Variants in TRAPPC10 observed in about 807,000 individuals in gnomAD.
The protein encoded by TRAPPC10 is trafficking protein particle complex subunit 10, also known as TRAPP 130 kDa subunit.
Under a neutral mutation model 125.5 loss-of-function variants are expected in TRAPPC10, and 23 were observed. That is an observed-to-expected ratio of 0.18 (90% confidence interval 0.13 to 0.26). TRAPPC10 has a LOEUF of 0.26. Ranked by LOEUF, TRAPPC10 falls within the 10% of genes least tolerant of loss-of-function variation. The probability of loss-of-function intolerance (pLI) is 1.00; values close to 1 mark genes in which losing one functional copy is unlikely to be tolerated. For missense variants in TRAPPC10, 1,123 were observed against 1,308.4 expected (o/e 0.86, Z 2.19); for synonymous variants, 509 against 518.0 (o/e 0.98, Z 0.24).
At position 44,055,805 on chromosome 21, in the gene TRAPPC10, A is replaced by T. The variant is rs761703568; in HGVS notation, c.590A>T (p.Asn197Ile). The change falls in exon 5 of 23, where the codon AAC becomes ATC. Residue 197 changes from asparagine (N) to isoleucine (I), a missense_variant. Physicochemically the swap from Asn to Ile is moderately radical, Grantham distance 149. This residue lies in a region of TRAPPC10 where 15 missense variants were observed against 50.3 expected (regional missense o/e 0.30). Coordinates refer to ENST00000291574, the MANE Select transcript of TRAPPC10 (RefSeq NM_003274.5). ...RTLLLMSFTK[N>I]LGKFEDDMRT... is the part of the protein sequence containing the mutation. ...TTGCTTCTTATGTCTTTTACCAAAA[A>T]CCTAGGCAAGTTTGAGGATGACATG... The T allele has an allele frequency of 6.2e-7, 1 of 1,613,758 alleles. No homozygotes were observed. The highest frequency in any genetic ancestry group is 1.3e-5 in the African/African-American group (1 of 74,874).
intron 2 of TRAPPC10, 119 bp from the exon 3 acceptor site, chr21:44,037,673 G>A: frequency 2.7e-6 from 3 of 1,113,898 alleles, no homozygotes; most frequent in Non-Finnish European, 3.9e-6. Context: ...TTATGATTTG[G>A]GGTTAATATA....
At chr21:44,073,032 T>G (rs2037000859) in intron 7 of TRAPPC10, among the ~76,000 whole-genome samples, 1 of 152,224 alleles carries the variant, frequency 6.6e-6, no homozygotes, top group African/African-American at 2.4e-5. Context: ...CGCTTTTCTG[T>G]GCCTTCCCTC....
chr21:44,083,433 C>T, intron 14 of TRAPPC10, 131 bp downstream of exon 14: 1 of 1,026,634 alleles, frequency 9.7e-7, no homozygotes, highest in Non-Finnish European at 1.4e-6. Context: ...TTGTCTCTGT[C>T]CTTATACAAA....
rs1316912906 is a variant in TRAPPC10, at chr21:44,012,318, G to T, written c.-176G>T. The T allele has an allele frequency of 5.8e-6, 1 of 172,850 alleles. No homozygotes were observed. The highest frequency in any genetic ancestry group is 1.1e-5 in the Non-Finnish European group (1 of 87,448). 10.7% of individuals were successfully genotyped at this position (172,850 alleles called of 1,614,324 possible). ...GAAATGGTCATGCGGCGGCGCCGAG[G>T]CCGGAAGTGGCTGAGGCCGGCAGCA... On this transcript the variant is annotated 5_prime_UTR_variant, in exon 1 of 23. Coordinates refer to ENST00000291574, the MANE Select transcript of TRAPPC10 (RefSeq NM_003274.5).
intron 3 of TRAPPC10, among the ~76,000 whole-genome samples, chr21:44,045,899 G>T (rs2034765639): frequency 6.6e-6 from 1 of 151,872 alleles, no homozygotes; most frequent in South Asian, 2.1e-4. Flanking sequence ...TTTGATTATG[G>T]TATGCTTTGG....
At position 44,077,788 on chromosome 21, in the gene TRAPPC10, A is replaced by G; in HGVS notation, c.1469+4A>G. 1 of 1,600,972 alleles carries G rather than the reference A, an allele frequency of 6.2e-7. No homozygotes were observed. Among genetic ancestry groups the G allele is most frequent in the East Asian group, 2.2e-5 (1 of 44,624 alleles). ...AAGATCTGGCAGAGTTTTACATGTA[A>G]TTGATTTTGTACTTTTCTTTGAATT... On this transcript the variant is annotated splice_donor_region_variant and intron_variant, in intron 11 of 22. Coordinates refer to ENST00000291574, the MANE Select transcript of TRAPPC10 (RefSeq NM_003274.5).
chr21:44,094,620 A>C (rs1476510501), intron 20 of TRAPPC10, among the ~76,000 whole-genome samples: 1 of 152,144 alleles, frequency 6.6e-6, no homozygotes, highest in African/African-American at 2.4e-5. Context: ...TTTCAAAGAA[A>C]AGCTGAAAAC....
intron 11 of TRAPPC10, 43 bp from the exon 12 acceptor site, chr21:44,079,521 A>G: frequency 6.4e-7 from 1 of 1,568,944 alleles, no homozygotes; most frequent in Non-Finnish European, 8.6e-7. Flanking sequence ...TGTGTTGATT[A>G]TCCCTAGCTG....
intron 1 of TRAPPC10, among the ~76,000 whole-genome samples, chr21:44,016,490 AG>A (rs2031856992): frequency 6.6e-6 from 1 of 152,172 alleles, no homozygotes; most frequent in Non-Finnish European, 1.5e-5. Flanking sequence ...TGTTCTCATT[AG>A]TCACATCTGT....
At chr21:44,022,450 ATTTT>A (rs71197876) in intron 1 of TRAPPC10, among the ~76,000 whole-genome samples, 6 of 96,964 alleles carry the variant, frequency 6.2e-5, no homozygotes, top group Admixed American at 3.7e-4. Context: ...TGCCCAGCTA[ATTTT>A]TTTTTTTTTT....
At chr21:44,012,975 G>A (rs2031332003) in intron 1 of TRAPPC10, among the ~76,000 whole-genome samples, 1 of 152,224 alleles carries the variant, frequency 6.6e-6, no homozygotes, top group Admixed American at 6.5e-5. Flanking sequence ...CCCCGACTAC[G>A]GGGAAGTCCT....
rs761422865 is a variant in TRAPPC10, at chr21:44,094,142, G to A, written c.3077G>A (p.Arg1026Gln). Residue 1026 changes from arginine (R) to glutamine (Q), a missense_variant, in exon 20 of 23, where the codon CGG becomes CAG. Arg to Gln is a conservative substitution (Grantham distance 43). Transcript: ENST00000291574. Reference protein sequence around the residue: ...TEEPPPSLHCRFSVGFSPASE... With the variant: ...TEEPPPSLHCQFSVGFSPASE... Reference sequence around the variant, plus strand: ...GAGCCTCCCCCTTCTCTGCATTGCCGGTTCTCTGTTGGATTTTCCCCAGCT... The same window carrying A: ...GAGCCTCCCCCTTCTCTGCATTGCCAGTTCTCTGTTGGATTTTCCCCAGCT... The A allele has an allele frequency of 9.9e-6, 16 of 1,613,982 alleles. No homozygotes were observed. The highest frequency in any genetic ancestry group is 8.9e-5 in the East Asian group (4 of 44,896).
intron 20 of TRAPPC10, among the ~76,000 whole-genome samples, 153 bp downstream of exon 20, chr21:44,094,386 C>A (rs1049479405): frequency 6.6e-6 from 1 of 152,178 alleles, no homozygotes; most frequent in Non-Finnish European, 1.5e-5. Flanking sequence ...GAATCATTGA[C>A]TGTCTTTATT....
At chr21:44,018,500 A>T (rs901303007) in intron 1 of TRAPPC10, among the ~76,000 whole-genome samples, 5 of 152,094 alleles carry the variant, frequency 3.3e-5, no homozygotes, top group Non-Finnish European at 7.4e-5. Context: ...AGAGATTGAG[A>T]CCACCCTGGC....
At chr21:44,022,648 T>G (rs974813440) in intron 1 of TRAPPC10, among the ~76,000 whole-genome samples, 1 of 152,026 alleles carries the variant, frequency 6.6e-6, no homozygotes, top group Non-Finnish European at 1.5e-5. Flanking sequence ...ATTCAGTGTT[T>G]AAGTTTCCAG....
At chr21:44,028,409 C>T (rs2033264566) in intron 1 of TRAPPC10, among the ~76,000 whole-genome samples, 1 of 152,194 alleles carries the variant, frequency 6.6e-6, no homozygotes. Context: ...CTGTGTCCCT[C>T]TGGGTGGCTG....
chr21:44,078,984 C>T (rs1352696648), intron 11 of TRAPPC10, among the ~76,000 whole-genome samples: 2 of 152,022 alleles, frequency 1.3e-5, no homozygotes, highest in Non-Finnish European at 2.9e-5. Context: ...GCTTTGGGGG[C>T]CAAGTGTGGC....
At chr21:44,062,041 C>T (rs2036097395) in intron 6 of TRAPPC10, among the ~76,000 whole-genome samples, 1 of 152,198 alleles carries the variant, frequency 6.6e-6, no homozygotes, top group African/African-American at 2.4e-5. Context: ...TGCTGGGCAG[C>T]GTCAGGGACC....
chr21:44,055,990 G>C, intron 5 of TRAPPC10, 97 bp downstream of exon 5: 2 of 1,116,486 alleles, frequency 1.8e-6, no homozygotes, highest in South Asian at 2.1e-5. Context: ...GGCACCTCTC[G>C]TGGTAATCTC....
Sources: gnomAD v4.1 joint callset for allele counts (sites outside exome capture counted in the v4.1 genomes callset) on GRCh38, gnomAD v4.1.1 for gene constraint, gnomAD v4.1.1 regional missense constraint, MANE v1.5 for transcripts, NCBI Gene and HGNC (gene_info 2026-07-23, HGNC 2026-07-21) for gene names.